Variants in DLGAP4 observed in about 807,000 individuals in gnomAD.
The protein encoded by DLGAP4 is disks large-associated protein 4.
DLGAP4 carries 18 observed loss-of-function variants against 86.9 expected under a neutral mutation model. The ratio of observed to expected loss-of-function variants is 0.21; its 90% CI spans 0.14 to 0.31. The LOEUF (loss-of-function observed/expected upper bound fraction) is 0.31, where lower values mean the gene tolerates loss of function less well. Among genes scored for constraint, DLGAP4 ranks in the 10% least tolerant of loss-of-function variants. The pLI, the probability that DLGAP4 is intolerant of heterozygous loss-of-function variation, is 1.00. For missense variants in DLGAP4, 1,085 were observed against 1,362.6 expected (o/e 0.80, Z 3.21); for synonymous variants, 548 against 574.3 (o/e 0.95, Z 0.65).
intron 2 of DLGAP4, among the ~76,000 whole-genome samples, chr20:36,406,702 C>T (rs1005780175): frequency 6.6e-6 from 1 of 152,162 alleles, no homozygotes; most frequent in Admixed American, 6.5e-5. Context: ...CTGCAAAGTA[C>T]TGTGCGCAAC....
intron 7 of DLGAP4, among the ~76,000 whole-genome samples, chr20:36,456,788 T>C (rs2033889484): frequency 6.6e-6 from 1 of 152,146 alleles, no homozygotes; most frequent in African/African-American, 2.4e-5. Flanking sequence ...AGGCCTCCAA[T>C]CCCAGGATTG....
intron 10 of DLGAP4, among the ~76,000 whole-genome samples, chr20:36,523,708 A>G (rs771256550): frequency 2.0e-5 from 3 of 152,054 alleles, no homozygotes; most frequent in Admixed American, 6.6e-5. Context: ...CTGTCACCCA[A>G]GCTGGAGTGC....
chr20:36,376,290 C>T (rs564599480), intron 2 of DLGAP4, among the ~76,000 whole-genome samples: 14 of 152,102 alleles, frequency 9.2e-5, no homozygotes, highest in African/African-American at 2.4e-4. Flanking sequence ...GCCAACACGG[C>T]GAAACCCCAT....
At chr20:36,397,016 G>A (rs1367322289) in intron 2 of DLGAP4, among the ~76,000 whole-genome samples, 1 of 152,176 alleles carries the variant, frequency 6.6e-6, no homozygotes, top group African/African-American at 2.4e-5. Flanking sequence ...ATTCCAGGCA[G>A]GTAAACTGAG....
intron 10 of DLGAP4, among the ~76,000 whole-genome samples, chr20:36,513,027 C>T (rs1015056870): frequency 7.8e-6 from 1 of 127,606 alleles, no homozygotes; most frequent in African/African-American, 2.9e-5. Context: ...TTTTGGCTGA[C>T]TGTAACCTCC....
intron 7 of DLGAP4, among the ~76,000 whole-genome samples, chr20:36,486,558 C>A (rs1251864710): frequency 6.6e-6 from 1 of 151,906 alleles, no homozygotes; most frequent in African/African-American, 2.4e-5. Flanking sequence ...GGAGGGTGGG[C>A]CAGTTCCTAT....
intron 7 of DLGAP4, among the ~76,000 whole-genome samples, chr20:36,489,886 T>C (rs1299945741): frequency 7.2e-6 from 1 of 139,416 alleles, no homozygotes; most frequent in African/African-American, 2.7e-5. Context: ...TTTGATGGAG[T>C]CTTGCTCTGT....
rs1555893356 is a variant in DLGAP4 at position 36,350,029 on chromosome 20, A to G, written c.-303-17016A>G. ...CGGCCCCTCATCCCCACAGGCTCCC[A>G]AGCAGGTGAGTGCACCAGCATCTCA... On this transcript the variant is annotated intron_variant, in intron 1 of 12. Coordinates refer to ENST00000339266, the MANE Select transcript of DLGAP4 (RefSeq NM_001365621.2). The surrounding 1 kb of genome is among the most constrained non-coding windows in gnomAD (Gnocchi z 4.4). 3.9e-5 allele frequency among the ~76,000 whole-genome samples: 6 copies of G among 152,196 alleles called. No homozygotes were observed. The highest frequency in any genetic ancestry group is 3.3e-4 in the Admixed American group (5 of 15,290).
chr20:36,404,335 G>A (rs1032884866), intron 2 of DLGAP4, among the ~76,000 whole-genome samples: 4 of 152,176 alleles, frequency 2.6e-5, no homozygotes, highest in Admixed American at 6.5e-5. Flanking sequence ...GAACTCAGGG[G>A]AAGGGCATGC....
intron 7 of DLGAP4, among the ~76,000 whole-genome samples, chr20:36,478,588 G>GTA (rs1485936741): frequency 4.6e-5 from 7 of 152,334 alleles, no homozygotes; most frequent in African/African-American, 1.7e-4. Flanking sequence ...AGAGTGTACT[G>GTA]TAGTCAGATT....
intron 7 of DLGAP4, chr20:36,493,017 T>C (rs2035733092): frequency 6.6e-6 from 1 of 151,840 alleles, no homozygotes; most frequent in Non-Finnish European, 1.5e-5. Flanking sequence ...TGGGGAGTGG[T>C]AGAAATTTGG....
intron 2 of DLGAP4, among the ~76,000 whole-genome samples, chr20:36,379,825 A>T (rs2031306809): frequency 6.6e-6 from 1 of 152,206 alleles, no homozygotes; most frequent in African/African-American, 2.4e-5. Context: ...TTGAAATTGC[A>T]TTTAGCTGCA....
chr20:36,318,379 G>A (rs1600394012), intron 1 of DLGAP4, among the ~76,000 whole-genome samples: 3 of 152,078 alleles, frequency 2.0e-5, no homozygotes, highest in Non-Finnish European at 1.5e-5. Context: ...TCACCCATCC[G>A]GCAGCTGGTG....
chr20:36,475,488 C>T (rs936519816), intron 7 of DLGAP4, among the ~76,000 whole-genome samples: 5 of 152,154 alleles, frequency 3.3e-5, no homozygotes, highest in Admixed American at 6.5e-5. Context: ...GGATTACAGG[C>T]GTGAGCCACC....
At chr20:36,420,249 GAC>G (rs780557748) in intron 2 of DLGAP4, among the ~76,000 whole-genome samples, 12 of 152,338 alleles carry the variant, frequency 7.9e-5, no homozygotes, top group East Asian at 3.9e-4. Context: ...TGGTGGCAGA[GAC>G]ACAGTCTGTA....
intron 1 of DLGAP4, among the ~76,000 whole-genome samples, chr20:36,360,428 T>C (rs1555894132): frequency 1.3e-5 from 2 of 152,206 alleles, no homozygotes; most frequent in African/African-American, 4.8e-5. Context: ...CCAATGTCTG[T>C]GCCCTTGTTC....
At chr20:36,379,704 C>T (rs138845379) in intron 2 of DLGAP4, among the ~76,000 whole-genome samples, 9 of 152,288 alleles carry the variant, frequency 5.9e-5, no homozygotes, top group Admixed American at 3.9e-4. Flanking sequence ...GCACAGGCTT[C>T]GGCATTCGGC....
intron 7 of DLGAP4, among the ~76,000 whole-genome samples, chr20:36,483,185 T>C (rs999387314): frequency 6.6e-6 from 1 of 152,166 alleles, no homozygotes. Context: ...CAGATTCCAA[T>C]ACATAATGGG....
At chr20:36,512,997 G>T (rs1166169066) in intron 10 of DLGAP4, among the ~76,000 whole-genome samples, 2 of 119,204 alleles carry the variant, frequency 1.7e-5, no homozygotes, top group Admixed American at 1.1e-4. Flanking sequence ...TTTCACCCAG[G>T]CTGGAGTGCA....
Sources: allele counts gnomAD v4.1 joint callset (sites outside exome capture counted in the v4.1 genomes callset), GRCh38; gene constraint gnomAD v4.1.1; non-coding constraint Gnocchi (gnomAD v3.1); transcripts MANE v1.5; gene names NCBI Gene and HGNC (gene_info 2026-07-23, HGNC 2026-07-21).